Variants in NAV2 observed in about 807,000 individuals in gnomAD.
NAV2 encodes helicase, APC down-regulated 1.
NAV2 carries 54 observed loss-of-function variants against 223.2 expected under a neutral mutation model. The observed-to-expected ratio is 0.24, with a 90% CI of 0.19 to 0.30. The LOEUF (loss-of-function observed/expected upper bound fraction) is 0.30. NAV2 is among the 10% of genes least tolerant of loss of function. The pLI is 1.00. For synonymous variants in NAV2, 1,279 were observed against 1,239.3 expected (o/e 1.03, Z -0.67); for missense variants, 2,806 against 3,147.5 (o/e 0.89, Z 2.60).
chr11:19,378,461 G>C (rs2133908262), intron 1 of NAV2, among the ~76,000 whole-genome samples: 1 of 152,258 alleles, frequency 6.6e-6, no homozygotes, highest in Non-Finnish European at 1.5e-5. Flanking sequence ...AGGTGGTGCG[G>C]GGTGCACGCA....
intron 3 of NAV2, among the ~76,000 whole-genome samples, chr11:19,845,830 T>C (rs2060774234): frequency 6.6e-6 from 1 of 152,136 alleles, no homozygotes; most frequent in African/African-American, 2.4e-5. Flanking sequence ...ATAATCATAA[T>C]GGGCTTGGCA....
chr11:19,541,867 A>C (rs1244265049), intron 1 of NAV2, among the ~76,000 whole-genome samples: 3 of 152,126 alleles, frequency 2.0e-5, no homozygotes, highest in Admixed American at 6.5e-5. Flanking sequence ...GCCATTTTTC[A>C]ATTGAAATAT....
intron 1 of NAV2, among the ~76,000 whole-genome samples, chr11:19,402,642 C>T (rs1252176397): frequency 2.0e-5 from 3 of 152,202 alleles, no homozygotes; most frequent in African/African-American, 7.2e-5. Flanking sequence ...ACCCCTCGCA[C>T]ATAGCAGGCA....
chr11:19,630,170 A>G (rs927169938), intron 1 of NAV2, among the ~76,000 whole-genome samples: 2 of 152,180 alleles, frequency 1.3e-5, no homozygotes, highest in Non-Finnish European at 2.9e-5. Context: ...TCAATAAATT[A>G]TATATCATTT....
chr11:19,830,693 C>T (rs1053800278), intron 1 of NAV2, among the ~76,000 whole-genome samples: 3 of 152,222 alleles, frequency 2.0e-5, no homozygotes, highest in Non-Finnish European at 4.4e-5. Context: ...CAAATCCCTA[C>T]TCTTGTGGAG....
chr11:19,450,938 AG>A (rs1362121571), intron 1 of NAV2, among the ~76,000 whole-genome samples: 5 of 152,138 alleles, frequency 3.3e-5, no homozygotes, highest in South Asian at 4.2e-4. Flanking sequence ...GGTGAGGTGG[AG>A]GTGTGTAGCA....
intron 1 of NAV2, among the ~76,000 whole-genome samples, chr11:19,682,592 A>G (rs1291006619): frequency 6.6e-6 from 1 of 152,220 alleles, no homozygotes; most frequent in Non-Finnish European, 1.5e-5. Context: ...ATGATTCTGA[A>G]GGCTATACAA....
chr11:19,896,046 C>T (rs1301914535), intron 6 of NAV2, among the ~76,000 whole-genome samples: 4 of 152,036 alleles, frequency 2.6e-5, no homozygotes, highest in Non-Finnish European at 5.9e-5. Context: ...AGGTAAAGTC[C>T]GTGATGTAAT....
chr11:20,055,485 T>C (rs2058309076), intron 18 of NAV2, among the ~76,000 whole-genome samples: 1 of 151,932 alleles, frequency 6.6e-6, no homozygotes. Flanking sequence ...GCCTGGGGAG[T>C]AATTAGCTCA....
chr11:19,381,788 C>A lies in NAV2; in HGVS notation c.75+30761C>A, dbSNP rs143939294. On this transcript the variant is annotated intron_variant, in intron 1 of 37. Transcript: ENST00000360655. ...CAAAGAGATATTCTTAACTAAGATG[C>A]CTTCACAAATGGAGGCTGGAGCCAG... Among the ~76,000 whole-genome samples, 362 of 152,272 alleles carry A rather than the reference C, an allele frequency of 2.4e-3. 3 individuals carry two copies. The highest frequency in any genetic ancestry group is 6.8e-3 in the Middle Eastern group (2 of 294).
chr11:19,757,721 G>A (rs2054353553), intron 1 of NAV2, among the ~76,000 whole-genome samples: 1 of 152,148 alleles, frequency 6.6e-6, no homozygotes, highest in South Asian at 2.1e-4. Context: ...TTGAGGGTAT[G>A]GTATGTGCTA....
intron 1 of NAV2, among the ~76,000 whole-genome samples, chr11:19,598,432 C>T (rs1052900234): frequency 3.9e-5 from 6 of 152,158 alleles, no homozygotes; most frequent in Non-Finnish European, 8.8e-5. Flanking sequence ...TTTTATGCTG[C>T]TTTGTCTTTT....
Position 20,086,689 on chromosome 11 carries a change from T to C in NAV2, c.5498+3510T>C, listed in dbSNP as rs115578195. ...ATGAGCCACTGATAACAGTAGTGAGTTCTGGATGTATTTAGGAGATATTCT... is the reference window on the plus strand; with the variant it reads ...ATGAGCCACTGATAACAGTAGTGAGCTCTGGATGTATTTAGGAGATATTCT... On this transcript the variant is annotated intron_variant, in intron 26 of 37. Coordinates refer to ENST00000349880, the MANE Select transcript of NAV2 (RefSeq NM_145117.5). Among the ~76,000 whole-genome samples, 1,087 of 152,192 alleles carry C rather than the reference T, an allele frequency of 7.1e-3. 20 individuals are homozygous for C. The highest frequency in any genetic ancestry group is 0.025 in the African/African-American group (1,032 of 41,518).
intron 1 of NAV2, among the ~76,000 whole-genome samples, chr11:19,751,138 C>T (rs2053774799): frequency 6.6e-6 from 1 of 152,098 alleles, no homozygotes; most frequent in Non-Finnish European, 1.5e-5. Context: ...TTTCTTTATC[C>T]CCTTTCCTCC....
intron 1 of NAV2, among the ~76,000 whole-genome samples, chr11:19,529,784 G>A (rs78136434): frequency 0.042 from 6,451 of 152,308 alleles, 475 homozygotes; most frequent in African/African-American, 0.15. Context: ...CTCAGTGACC[G>A]GTGAAGAGAC....
chr11:20,099,562 G>A (rs1424332763), intron 31 of NAV2, among the ~76,000 whole-genome samples: 1 of 152,126 alleles, frequency 6.6e-6, no homozygotes, highest in Non-Finnish European at 1.5e-5. Context: ...ATCAGCTCAG[G>A]TTTATTTTTC....
chr11:19,929,238 G>C (rs1437275988), intron 6 of NAV2, among the ~76,000 whole-genome samples: 3 of 152,104 alleles, frequency 2.0e-5, no homozygotes, highest in Non-Finnish European at 4.4e-5. Context: ...GGGTGACAGA[G>C]TGAGATTCCA....
intron 1 of NAV2, among the ~76,000 whole-genome samples, chr11:19,800,701 G>T (rs920424507): frequency 1.3e-5 from 2 of 151,328 alleles, no homozygotes. Flanking sequence ...GTGTGTGTGT[G>T]TGTGTTTGTA....
intron 1 of NAV2, among the ~76,000 whole-genome samples, chr11:19,496,091 T>C (rs1467532097): frequency 1.3e-5 from 2 of 151,988 alleles, no homozygotes; most frequent in Non-Finnish European, 2.9e-5. Context: ...AAACTAGGGG[T>C]AAAGAGAGTG....
Sources: allele counts gnomAD v4.1 joint callset (sites outside exome capture counted in the v4.1 genomes callset), GRCh38; gene constraint gnomAD v4.1.1; transcripts MANE v1.5; gene names NCBI Gene and HGNC (gene_info 2026-07-23, HGNC 2026-07-21).